PBX1: variants seen among roughly 807,000 people sequenced by gnomAD.
PBX1 encodes the protein pre-B-cell leukemia transcription factor 1.
Under a neutral mutation model 53.4 loss-of-function variants are expected in PBX1, and 6 were observed. The ratio of observed to expected loss-of-function variants is 0.11; its 90% CI spans 0.06 to 0.22. The LOEUF is 0.22. PBX1 is among the 10% of genes least tolerant of loss of function. The pLI is 1.00. For missense variants in PBX1, 251 were observed against 551.4 expected, an observed-to-expected ratio of 0.46 and a Z score of 5.46; for synonymous variants, 204 against 212.3, an observed-to-expected ratio of 0.96 and a Z score of 0.34.
chr1:164,630,320 T>G (rs560266034), intron 2 of PBX1, among the ~76,000 whole-genome samples: 41 of 152,248 alleles, frequency 2.7e-4, no homozygotes, highest in East Asian at 1.4e-3. Context: ...TTTACATGGA[T>G]GGGTAAGATG....
intron 2 of PBX1, among the ~76,000 whole-genome samples, chr1:164,718,866 A>C (rs182847828): frequency 6.6e-6 from 1 of 152,350 alleles, no homozygotes; most frequent in African/African-American, 2.4e-5. Context: ...GTGACTTGCA[A>C]GTAAGGCATA....
rs375159569 is a variant in PBX1 at position 164,775,085 on chromosome 1, A to C, written c.266-17409A>C. Among the ~76,000 whole-genome samples the C allele has an allele frequency of 1.4e-3, 217 of 152,308 alleles. No individual in the cohort carries two copies. In the Middle Eastern group the frequency reaches 0.02, roughly 14 times the overall value. The stretch of plus-strand genomic sequence containing the variant: ...CACCGAGGAAGCTCGCTTAGGGGTC[A>C]GGGGTGTCAGGCTTCACCTCTGATC... On this transcript the variant is annotated intron_variant, in intron 2 of 8. Coordinates refer to ENST00000420696, the MANE Select transcript of PBX1 (RefSeq NM_002585.4).
chr1:164,627,433 A>G (rs1338919465), intron 2 of PBX1, among the ~76,000 whole-genome samples: 2 of 152,142 alleles, frequency 1.3e-5, no homozygotes, highest in African/African-American at 2.4e-5. Context: ...CCTGAAGCCT[A>G]TGCATGTTCA....
At chr1:164,797,654 G>A (rs1020390840) in intron 3 of PBX1, among the ~76,000 whole-genome samples, 1 of 152,060 alleles carries the variant, frequency 6.6e-6, no homozygotes, top group Non-Finnish European at 1.5e-5. Flanking sequence ...TTACCAAGAG[G>A]GAAATTGAAC....
chr1:164,726,666 A>G (rs1299428316), intron 2 of PBX1, among the ~76,000 whole-genome samples: 1 of 152,222 alleles, frequency 6.6e-6, no homozygotes, highest in Admixed American at 6.5e-5. Context: ...GGTCTTTAGA[A>G]AGTCTTCTGG....
At chr1:164,678,112 G>T (rs1661544491) in intron 2 of PBX1, among the ~76,000 whole-genome samples, 1 of 152,126 alleles carries the variant, frequency 6.6e-6, no homozygotes, top group African/African-American at 2.4e-5. Context: ...GTGGGTTCTT[G>T]AACAGAGGAG....
intron 3 of PBX1, among the ~76,000 whole-genome samples, chr1:164,798,569 G>C (rs1668903890): frequency 6.6e-6 from 1 of 152,228 alleles, no homozygotes; most frequent in Non-Finnish European, 1.5e-5. Context: ...GAAGGGCTCA[G>C]GCCCTACCTC....
Position 164,622,166 on chromosome 1 carries a change from CTAGG to C in PBX1, c.265+58860_265+58863del, listed in dbSNP as rs1176773267. Among the ~76,000 whole-genome samples the C allele has an allele frequency of 2.0e-5, 3 of 152,186 alleles. 1 individual carries two copies. The highest frequency in any genetic ancestry group is 7.2e-5 in the African/African-American group (3 of 41,450). On this transcript the variant is annotated intron_variant, in intron 2 of 8. Transcript: ENST00000420696. ...GGCAAGGCTAGGCTGGAAGTGATCA[CTAGG>C]TAGGAGAAGGCGTCTTGTTGGAAGG...
chr1:164,691,084 G>A (rs960461928), intron 2 of PBX1, among the ~76,000 whole-genome samples: 6 of 137,512 alleles, frequency 4.4e-5, no homozygotes, highest in Admixed American at 1.8e-4. Context: ...GTGCAATCTC[G>A]GCTCACTGCA....
intron 2 of PBX1, among the ~76,000 whole-genome samples, chr1:164,856,935 G>T (rs1287180345): frequency 1.3e-5 from 2 of 152,018 alleles, no homozygotes; most frequent in African/African-American, 4.8e-5. Context: ...CTAAAAGCAA[G>T]ACCACACATA....
chr1:164,840,008 C>T (rs9804100), intron 8 of PBX1, among the ~76,000 whole-genome samples: 13,173 of 151,770 alleles, frequency 0.087, 727 homozygotes, highest in African/African-American at 0.15. Context: ...CTGGGAAGTA[C>T]GATGGCAGGT....
At chr1:164,721,727 T>C (rs1268899374) in intron 2 of PBX1, among the ~76,000 whole-genome samples, 1 of 152,230 alleles carries the variant, frequency 6.6e-6, no homozygotes, top group Non-Finnish European at 1.5e-5. Context: ...CTGTGGCTCC[T>C]CCTTCTCGGC....
chr1:164,882,217 G>C (rs1044812105), intron 2 of PBX1, among the ~76,000 whole-genome samples: 1 of 152,100 alleles, frequency 6.6e-6, no homozygotes, highest in East Asian at 1.9e-4. Context: ...TGGAGCCTAG[G>C]CCTCTAACTC....
At chr1:164,694,658 C>T (rs1662702280) in intron 2 of PBX1, among the ~76,000 whole-genome samples, 1 of 152,204 alleles carries the variant, frequency 6.6e-6, no homozygotes, top group Non-Finnish European at 1.5e-5. Context: ...CGTCTTTTAT[C>T]TGCCCAATCT....
chr1:164,656,755 T>C (rs1660190333), intron 2 of PBX1, among the ~76,000 whole-genome samples: 1 of 152,172 alleles, frequency 6.6e-6, no homozygotes, highest in African/African-American at 2.4e-5. Flanking sequence ...TCTTGTAATA[T>C]GACTAATAAT....
chr1:164,573,410 TA>T lies in PBX1; in HGVS notation c.265+10100del, dbSNP rs1366567883. Among the ~76,000 whole-genome samples, 10 of 151,956 alleles carry T rather than the reference TA, an allele frequency of 6.6e-5. 1 individual carries two copies. Among genetic ancestry groups the T allele is most frequent in the African/African-American group, 2.2e-4 (9 of 41,480 alleles). ...GTAATCAACATAAAAATTAATGAGA[TA>T]TTTTACATTCTTTTTTTGTGTGTCT... On this transcript the variant is annotated intron_variant, in intron 2 of 8. Coordinates refer to ENST00000420696, the MANE Select transcript of PBX1 (RefSeq NM_002585.4).
chr1:164,732,070 C>T (rs1435357182), intron 2 of PBX1, among the ~76,000 whole-genome samples: 1 of 152,160 alleles, frequency 6.6e-6, no homozygotes, highest in East Asian at 1.9e-4. Flanking sequence ...CACGAAGCAC[C>T]AGCCTTTCCC....
At chr1:164,756,995 C>A (rs755231458) in intron 2 of PBX1, among the ~76,000 whole-genome samples, 1 of 152,038 alleles carries the variant, frequency 6.6e-6, no homozygotes, top group Non-Finnish European at 1.5e-5. Flanking sequence ...GAGTTGGGAG[C>A]TGAGGAAGTA....
intron 2 of PBX1, among the ~76,000 whole-genome samples, chr1:164,715,944 A>G (rs924517024): frequency 2.6e-5 from 4 of 152,154 alleles, no homozygotes; most frequent in African/African-American, 9.7e-5. Context: ...GCCCACTTAT[A>G]CTTCTCAAAG....
Sources: allele counts gnomAD v4.1 joint callset (sites outside exome capture counted in the v4.1 genomes callset), GRCh38; gene constraint gnomAD v4.1.1; transcripts MANE v1.5; gene names NCBI Gene and HGNC (gene_info 2026-07-23, HGNC 2026-07-21).